Variants in DCX observed in about 807,000 individuals in gnomAD.
DCX encodes neuronal migration protein doublecortin.
Under a neutral mutation model 20.9 loss-of-function variants are expected in DCX, and 4 were observed. The ratio of observed to expected loss-of-function variants is 0.19; its 90% CI spans 0.09 to 0.44. DCX has a LOEUF of 0.44. DCX is among the 20% of genes least tolerant of loss of function. DCX has a pLI of 0.99. For missense variants in DCX, 133 were observed against 296.9 expected, an observed-to-expected ratio of 0.45 and a Z score of 4.06; for synonymous variants, 103 against 111.4, an observed-to-expected ratio of 0.92 and a Z score of 0.47.
intron 3 of DCX, among the ~76,000 whole-genome samples, chrX:111,369,564 G>A (rs1206972511): frequency 1.8e-5 from 2 of 111,598 alleles, no homozygotes; most frequent in Non-Finnish European, 3.8e-5. Context: ...TATCCAAGGG[G>A]ATGGTCCCAA....
At chrX:111,396,141 G>A (rs1927298434) in intron 3 of DCX, among the ~76,000 whole-genome samples, 1 of 112,016 alleles carries the variant, frequency 8.9e-6, no homozygotes, top group African/African-American at 3.2e-5. Flanking sequence ...CATCCCTCAT[G>A]CTCTCATCTG....
At chrX:111,409,414 G>A (rs188797949) in intron 2 of DCX, among the ~76,000 whole-genome samples, 1 of 111,259 alleles carries the variant, frequency 9.0e-6, no homozygotes, top group Admixed American at 9.6e-5. Context: ...ATTCTAATAG[G>A]AATGGTCTTT....
intron 3 of DCX, among the ~76,000 whole-genome samples, chrX:111,338,837 G>T (rs1921973374): frequency 9.1e-6 from 1 of 109,967 alleles, no homozygotes; most frequent in South Asian, 3.9e-4. Flanking sequence ...GGTATTTTAT[G>T]TTTTCTTTCA....
intron 3 of DCX, among the ~76,000 whole-genome samples, chrX:111,344,155 T>G (rs1211826809): frequency 8.9e-6 from 1 of 112,066 alleles, no homozygotes; most frequent in Non-Finnish European, 1.9e-5. Context: ...ATTATCTCAA[T>G]AGATGCAGAA....
intron 3 of DCX, among the ~76,000 whole-genome samples, chrX:111,339,975 T>C (rs1922078717): frequency 1.8e-5 from 2 of 112,726 alleles, no homozygotes; most frequent in African/African-American, 6.4e-5. Context: ...CTAGGCAGCA[T>C]GCCCTCCCCA....
At chrX:111,386,830 A>G (rs1010626515) in intron 3 of DCX, among the ~76,000 whole-genome samples, 1 of 111,002 alleles carries the variant, frequency 9.0e-6, no homozygotes, top group Non-Finnish European at 1.9e-5. Flanking sequence ...AATGAATGAC[A>G]CCATCCATCA....
intron 3 of DCX, among the ~76,000 whole-genome samples, chrX:111,352,171 G>C (rs180720943): frequency 8.9e-6 from 1 of 112,107 alleles, no homozygotes; most frequent in East Asian, 2.8e-4. Context: ...CTGGAATGCT[G>C]CTAAATGTCC....
chrX:111,375,068 T>C (rs1421715988), intron 3 of DCX, among the ~76,000 whole-genome samples: 2 of 101,546 alleles, frequency 2.0e-5, no homozygotes, highest in Non-Finnish European at 4.0e-5. Flanking sequence ...ATCATTGAGA[T>C]GGAGAACAGA....
intron 4 of DCX, among the ~76,000 whole-genome samples, chrX:111,331,850 C>CA (rs1436861093): frequency 8.9e-6 from 1 of 112,153 alleles, no homozygotes; most frequent in African/African-American, 3.2e-5. Context: ...GATGAGAGTA[C>CA]AAAAAACTTA....
At chrX:111,402,784 TGTG>T (rs1927901335) in intron 2 of DCX, among the ~76,000 whole-genome samples, 1 of 4,475 alleles carries the variant, frequency 2.2e-4, no homozygotes, top group African/African-American at 2.4e-4. Context: ...GTGTGCGTGG[TGTG>T]TGTGTGTGTG....
At chrX:111,394,645 TGC>T (rs1162265077) in intron 3 of DCX, among the ~76,000 whole-genome samples, 1 of 112,248 alleles carries the variant, frequency 8.9e-6, no homozygotes, top group Non-Finnish European at 1.9e-5. Context: ...TGGAACAGCC[TGC>T]ATCCCTGGAT....
intron 2 of DCX, among the ~76,000 whole-genome samples, chrX:111,405,580 C>G (rs1928145809): frequency 9.0e-6 from 1 of 111,235 alleles, no homozygotes; most frequent in Non-Finnish European, 1.9e-5. Flanking sequence ...TTCAGAAAAG[C>G]TGGCTAGTCA....
In DCX at chrX:111,294,550, A is replaced by T. The variant is rs1488914572; in HGVS notation, c.*7137T>A. The T allele has an allele frequency of 2.7e-5, 3 of 111,595 alleles. No individual in the cohort carries two copies. Among genetic ancestry groups the T allele is most frequent in the Non-Finnish European group, 5.6e-5 (3 of 53,173 alleles). 9.2% of individuals were successfully genotyped at this position (111,595 alleles called of 1,213,427 possible). On this transcript the variant is annotated 3_prime_UTR_variant, in exon 7 of 7. Coordinates refer to ENST00000636035, the MANE Select transcript of DCX (RefSeq NM_001195553.2). ...TCACAATGCTGTTCCTTAAGAAATG[A>T]TCAATAACTGCTGAGAGATGGTTGA...
intron 2 of DCX, among the ~76,000 whole-genome samples, chrX:111,408,882 A>C (rs781401553): frequency 8.9e-6 from 1 of 111,776 alleles, no homozygotes; most frequent in African/African-American, 3.2e-5. Flanking sequence ...ACTTAGAAGC[A>C]GTGAAGCAGA....
At chrX:111,305,529 T>G (rs2095043274) in intron 6 of DCX, among the ~76,000 whole-genome samples, 1 of 111,338 alleles carries the variant, frequency 9.0e-6, no homozygotes, top group Non-Finnish European at 1.9e-5. Flanking sequence ...TCTGTTATTT[T>G]GTATCCTGTA....
intron 1 of DCX, chrX:111,410,724 TTTGAAATA>T: frequency 8.5e-7 from 1 of 1,177,952 alleles, no homozygotes; most frequent in South Asian, 1.8e-5. Flanking sequence ...AAGGGGAGAT[TTTGAAATA>T]GCTGAAAATC....
chrX:111,334,497 C>A (rs1254292268), intron 3 of DCX, among the ~76,000 whole-genome samples: 3 of 112,201 alleles, frequency 2.7e-5, no homozygotes, highest in Non-Finnish European at 5.6e-5. Context: ...CTGTGACAGG[C>A]ACTCTGGTAA....
intron 3 of DCX, among the ~76,000 whole-genome samples, chrX:111,353,249 G>A (rs1255038784): frequency 8.9e-6 from 1 of 112,035 alleles, no homozygotes; most frequent in Admixed American, 9.5e-5. Context: ...GTCACACAAT[G>A]CTGTGTGATC....
chrX:111,302,338 A>G (rs1008038261), intron 6 of DCX, among the ~76,000 whole-genome samples: 2 of 111,114 alleles, frequency 1.8e-5, no homozygotes, highest in Middle Eastern at 4.7e-3. Context: ...TTGTTTAGCC[A>G]TTCACCTGTT....
Sources: allele counts gnomAD v4.1 joint callset (sites outside exome capture counted in the v4.1 genomes callset), GRCh38; gene constraint gnomAD v4.1.1; transcripts MANE v1.5; gene names NCBI Gene and HGNC (gene_info 2026-07-23, HGNC 2026-07-21).